The following SLC66A2 variants were observed in gnomAD, a reference collection of about 807,000 sequenced individuals.
The protein encoded by SLC66A2 is PQ loop repeat containing 1.
SLC66A2 carries 23 observed loss-of-function variants against 25.5 expected under a neutral mutation model. The ratio of observed to expected loss-of-function variants is 0.90; its 90% CI spans 0.65 to 1.28. The LOEUF is 1.28. Among genes scored for constraint, SLC66A2 ranks in the 50% most tolerant of loss-of-function variants. SLC66A2 has a pLI of 0.00. For synonymous variants in SLC66A2, 193 were observed against 166.5 expected (o/e 1.16, Z -1.23); for missense variants, 396 against 373.1 (o/e 1.06, Z -0.51).
Position 79,937,523 on chromosome 18 carries a change from T to A in SLC66A2, c.338-3501A>T, listed in dbSNP as rs188720577. On this transcript the variant is annotated intron_variant, in intron 3 of 5. Coordinates refer to ENST00000397778, the MANE Select transcript of SLC66A2 (RefSeq NM_025078.5). The surrounding 1 kb of genome is among the most constrained non-coding windows in gnomAD (Gnocchi z 5.4). The stretch of plus-strand genomic sequence containing the variant: ...CCGCATTTCCTTTATAAATTACACC[T>A]GTGGATAGCTGAACAATGGGTACCC... Among the ~76,000 whole-genome samples, 1 of 152,288 alleles carries A rather than the reference T, an allele frequency of 6.6e-6. No individual in the cohort carries two copies. The highest frequency in any genetic ancestry group is 1.5e-5 in the Non-Finnish European group (1 of 68,030).
intron 3 of SLC66A2, among the ~76,000 whole-genome samples, chr18:79,935,067 G>C (rs1236498525): frequency 6.9e-6 from 1 of 144,484 alleles, no homozygotes; most frequent in Non-Finnish European, 1.5e-5. Flanking sequence ...CGTCCTCTCT[G>C]TTGCTTTGAT....
chr18:79,938,599 G>A (rs749146902), intron 3 of SLC66A2, among the ~76,000 whole-genome samples: 18 of 152,242 alleles, frequency 1.2e-4, no homozygotes, highest in Non-Finnish European at 1.8e-4. Flanking sequence ...GAAGAAAAAA[G>A]GAAGAGACTT....
In SLC66A2 at chr18:79,919,353, C is replaced by G. The variant is rs759347267; in HGVS notation, c.439G>C (p.Val147Leu). The change falls in exon 5 of 6, where the codon GTG becomes CTG. Residue 147 changes from valine (V) to leucine (L), a missense_variant. Val to Leu is a conservative substitution (Grantham distance 32). Coordinates refer to ENST00000397778, the MANE Select transcript of SLC66A2 (RefSeq NM_025078.5). ...FWQWSSFSDY[V>L]QCVLAFTGVA... ...CCCGTGAAGGCCAGGACGCACTGCA[C>G]GTAGTCCGAGAAGCTGCTCCACTGC... is the stretch of plus-strand genomic sequence containing the variant. 1.2e-6 allele frequency: 2 copies of G among 1,613,240 alleles called. No homozygotes were observed. The highest frequency in any genetic ancestry group is 1.7e-6 in the Non-Finnish European group (2 of 1,180,020).
rs1184651047 is a variant in SLC66A2, at chr18:79,940,494, A to G, written c.337+2835T>C. Among the ~76,000 whole-genome samples, 6 of 150,626 alleles carry G rather than the reference A, an allele frequency of 4.0e-5. No homozygotes were observed. Among genetic ancestry groups the G allele is most frequent in the Non-Finnish European group, 8.9e-5 (6 of 67,450 alleles). The stretch of plus-strand genomic sequence containing the variant: ...ACATGTACCTGAACTTAAAAGCTTA[A>G]AAAAAAAAACAGAACATGTTCAGAG... On this transcript the variant is annotated intron_variant, in intron 3 of 5. Transcript: ENST00000397778. The surrounding 1 kb of genome is among the most constrained non-coding windows in gnomAD (Gnocchi z 4.1).
chr18:79,930,348 CA>C (rs1986442395), intron 4 of SLC66A2: 1 of 152,094 alleles, frequency 6.6e-6, no homozygotes, highest in South Asian at 2.1e-4. Context: ...AAGATTCTTA[CA>C]TCTAGTAAAA....
At chr18:79,908,930 T>TACA (rs1337315810) in intron 5 of SLC66A2, among the ~76,000 whole-genome samples, 1 of 152,270 alleles carries the variant, frequency 6.6e-6, no homozygotes, top group African/African-American at 2.4e-5. Context: ...AGAGCACAGT[T>TACA]ACAACAGTGA....
intron 5 of SLC66A2, among the ~76,000 whole-genome samples, chr18:79,905,405 G>A (rs1006573077): frequency 6.6e-6 from 1 of 152,232 alleles, no homozygotes; most frequent in Non-Finnish European, 1.5e-5. Flanking sequence ...GGGGAAGGTG[G>A]TGCAGGCCCC....
At chr18:79,911,647 G>C (rs947653079) in intron 5 of SLC66A2, among the ~76,000 whole-genome samples, 1 of 152,228 alleles carries the variant, frequency 6.6e-6, no homozygotes, top group African/African-American at 2.4e-5. Context: ...CGCTCTGTCA[G>C]AGAAGATGGC....
At chr18:79,942,690 TCAAA>T (rs1987780576) in intron 3 of SLC66A2, among the ~76,000 whole-genome samples, 3 of 152,322 alleles carry the variant, frequency 2.0e-5, no homozygotes, top group South Asian at 2.1e-4. Flanking sequence ...GCCTGCATGT[TCAAA>T]CAGAGTTCAG....
In SLC66A2 at chr18:79,904,250, GCCTGGGGCTTAGACAGCGGGGAGA is replaced by G. The variant is rs754065388; in HGVS notation, c.609-91_609-68del. 4,435 of 1,433,098 alleles carry G rather than the reference GCCTGGGGCTTAGACAGCGGGGAGA, an allele frequency of 3.1e-3. 13 individuals are homozygous for G. Among genetic ancestry groups the G allele is most frequent in the Non-Finnish European group, 3.4e-3 (3,477 of 1,021,684 alleles). The allele number at this position is 1,433,098 out of a possible 1,614,324, so 88.8% of individuals were successfully genotyped here. ...CGACCTGGGCTCAGTCAGTGGGGAG[GCCTGGGGCTTAGACAGCGGGGAGA>G]CCTGGGGCTCAGGGGCACCCAGGGG... On this transcript the variant is annotated intron_variant, in intron 5 of 5. Transcript: ENST00000397778. This position sits in a 1 kb window ranked among gnomAD's most constrained non-coding sequence, Gnocchi z 6.3.
intron 2 of SLC66A2, among the ~76,000 whole-genome samples, chr18:79,945,990 A>G (rs1003179281): frequency 6.6e-6 from 1 of 152,198 alleles, no homozygotes; most frequent in East Asian, 1.9e-4. Flanking sequence ...ACCTCCAGCA[A>G]TGAGGCTGCA....
intron 3 of SLC66A2, among the ~76,000 whole-genome samples, chr18:79,936,763 C>G (rs895385751): frequency 6.6e-6 from 1 of 152,206 alleles, no homozygotes; most frequent in Non-Finnish European, 1.5e-5. Context: ...TGACAAGGTG[C>G]GTTTGTTTCC....
At position 79,921,802 on chromosome 18, in the gene SLC66A2, ACAGGAACCGAGGGAGAGG is replaced by A. The variant is rs1411039726; in HGVS notation, c.392-2420_392-2403del. Among the ~76,000 whole-genome samples, 30 of 84,992 alleles carry A rather than the reference ACAGGAACCGAGGGAGAGG, an allele frequency of 3.5e-4. 9 individuals are homozygous for A. The highest frequency in any genetic ancestry group is 1.2e-3 in the African/African-American group (30 of 25,166). The allele number at this position is 84,992 out of a possible 152,430, so 55.8% of individuals were successfully genotyped here. A position where few individuals can be genotyped will look rare whatever the true frequency, so the allele number is the denominator to read the frequency against. ...AGAGGTCAAGGTCAGTGGAGGAGAG[ACAGGAACCGAGGGAGAGG>A]TCAGGGTCAGAGGAGGAGAGACAGG... On this transcript the variant is annotated intron_variant, in intron 4 of 5. Transcript: ENST00000397778.
In SLC66A2 at chr18:79,925,441, G is replaced by C. The variant is rs183195762; in HGVS notation, c.392-6041C>G. ...TGTGTTTCTAGAGAGCGGCACCAAA[G>C]ATAAGGCTTGAAAACGAGGCATTCA... On this transcript the variant is annotated intron_variant, in intron 4 of 5. Coordinates refer to ENST00000397778, the MANE Select transcript of SLC66A2 (RefSeq NM_025078.5). Among the ~76,000 whole-genome samples the C allele has an allele frequency of 2.6e-5, 4 of 152,368 alleles. No individual in the cohort carries two copies. In the East Asian group the frequency reaches 7.7e-4, roughly 29 times the overall value.
Position 79,933,956 on chromosome 18 carries a change from G to A in SLC66A2, c.391+13C>T, listed in dbSNP as rs760615491. The A allele has an allele frequency of 6.2e-6, 10 of 1,608,916 alleles. No individual in the cohort carries two copies. Among genetic ancestry groups the A allele is most frequent in the South Asian group, 2.2e-5 (2 of 89,772 alleles). ...GGAACGTGCTGCGGACAGTGCACGC[G>A]CAGGGTACATACCCAGGAAGGACCG... On this transcript the variant is annotated intron_variant, in intron 4 of 5. Transcript: ENST00000397778.
chr18:79,922,780 G>T (rs1985403276), intron 4 of SLC66A2, among the ~76,000 whole-genome samples: 3 of 149,910 alleles, frequency 2.0e-5, no homozygotes, highest in African/African-American at 7.4e-5. Context: ...GGTGATGGGA[G>T]GCGGTGAGGT....
intron 5 of SLC66A2, chr18:79,915,859 G>C (rs527393826): frequency 6.5e-6 from 1 of 152,920 alleles, no homozygotes; most frequent in East Asian, 1.9e-4. Flanking sequence ...AAAGGACCAT[G>C]ACCCCGGCTC....
chr18:79,938,905 C>T (rs980594685), intron 3 of SLC66A2, among the ~76,000 whole-genome samples: 2 of 152,174 alleles, frequency 1.3e-5, no homozygotes, highest in East Asian at 1.9e-4. Flanking sequence ...CTCGAACTCC[C>T]GACCTCGTGA....
chr18:79,930,649 G>T (rs1033270249), intron 4 of SLC66A2, among the ~76,000 whole-genome samples: 3 of 152,054 alleles, frequency 2.0e-5, no homozygotes, highest in African/African-American at 7.2e-5. Context: ...TTAACATAAA[G>T]AAATGTAATA....
Sources: allele counts gnomAD v4.1 joint callset (sites outside exome capture counted in the v4.1 genomes callset), GRCh38; gene constraint gnomAD v4.1.1; non-coding constraint Gnocchi (gnomAD v3.1); transcripts MANE v1.5; gene names NCBI Gene and HGNC (gene_info 2026-07-23, HGNC 2026-07-21).